CADM2: variants seen among roughly 807,000 people sequenced by gnomAD.
CADM2 encodes cell adhesion molecule 2.
Under a neutral mutation model 49.8 loss-of-function variants are expected in CADM2, and 12 were observed. The observed-to-expected ratio is 0.24, with a 90% confidence interval of 0.15 to 0.39. The LOEUF is 0.39. Among genes scored for constraint, CADM2 ranks in the 10% least tolerant of loss-of-function variants. The pLI is 1.00. For synonymous variants in CADM2, 214 were observed against 175.4 expected (o/e 1.22, Z -1.74); for missense variants, 378 against 492.3 (o/e 0.77, Z 2.20).
At chr3:85,117,312 AG>A (rs1247648502) in intron 1 of CADM2, among the ~76,000 whole-genome samples, 1 of 152,156 alleles carries the variant, frequency 6.6e-6, no homozygotes, top group African/African-American at 2.4e-5. Flanking sequence ...AAAATAGTAA[AG>A]GATGCTGTAA....
At chr3:85,160,565 A>T (rs971706725) in intron 1 of CADM2, among the ~76,000 whole-genome samples, 1 of 152,164 alleles carries the variant, frequency 6.6e-6, no homozygotes, top group Non-Finnish European at 1.5e-5. Context: ...TTAAAAAAAT[A>T]TCTACTGTGT....
rs1298736182 is a variant in CADM2 at position 85,515,421 on chromosome 3, G to GTT, written c.62-211099_62-211098dup. Among the ~76,000 whole-genome samples the GTT allele has an allele frequency of 1.2e-3, 80 of 64,614 alleles. 3 individuals carry two copies. Among genetic ancestry groups the GTT allele is most frequent in the Non-Finnish European group, 1.7e-4 (4 of 23,660 alleles). 42.4% of individuals were successfully genotyped at this position (64,614 alleles called of 152,430 possible). ...TCTCTTTTCTTTTGTTTGTTTGTTTGTTTCTTTTTTTTTTTATTATTATAT... is the reference window on the plus strand; with the variant it reads ...TCTCTTTTCTTTTGTTTGTTTGTTTGTTTTTCTTTTTTTTTTTATTATTATAT... On this transcript the variant is annotated intron_variant, in intron 1 of 9. Coordinates refer to ENST00000383699, the MANE Select transcript of CADM2 (RefSeq NM_001167675.2).
intron 1 of CADM2, among the ~76,000 whole-genome samples, chr3:85,366,336 C>A (rs1331992328): frequency 6.6e-6 from 1 of 152,112 alleles, no homozygotes. Context: ...CATTACACAC[C>A]TGCGGAGATT....
At chr3:85,146,802 A>C (rs929331517) in intron 1 of CADM2, among the ~76,000 whole-genome samples, 2 of 152,210 alleles carry the variant, frequency 1.3e-5, no homozygotes, top group Non-Finnish European at 2.9e-5. Flanking sequence ...GATTGAGAAT[A>C]ATTGTATCGT....
chr3:85,320,542 A>T (rs1576344188), intron 1 of CADM2, among the ~76,000 whole-genome samples: 1 of 152,294 alleles, frequency 6.6e-6, no homozygotes, highest in South Asian at 2.1e-4. Context: ...GTTCACGGAG[A>T]CAATCTTGAC....
intron 1 of CADM2, among the ~76,000 whole-genome samples, chr3:85,407,168 C>T (rs773595629): frequency 2.0e-5 from 3 of 152,148 alleles, no homozygotes; most frequent in Non-Finnish European, 4.4e-5. Flanking sequence ...CGCCACTGCA[C>T]TCCAGCCTTG....
chr3:85,884,696 C>G (rs1407456231), intron 4 of CADM2, among the ~76,000 whole-genome samples: 1 of 149,454 alleles, frequency 6.7e-6, no homozygotes, highest in Non-Finnish European at 1.5e-5. Flanking sequence ...ATTTGTACTT[C>G]TCATATTGGT....
At position 86,036,146 on chromosome 3, in the gene CADM2, C is replaced by T. The variant is rs958440756; in HGVS notation, c.971-29459C>T. Among the ~76,000 whole-genome samples the T allele has an allele frequency of 3.9e-5, 6 of 152,220 alleles. No homozygotes were observed. In the East Asian group the frequency reaches 1.2e-3, roughly 29 times the overall value. On this transcript the variant is annotated intron_variant, in intron 8 of 9. Transcript: ENST00000383699. Reference sequence around the variant, plus strand: ...GGAACACAAACATTGATTCATAACACATCTAATCTGTGTCATGACCTTAAA... The same window carrying T: ...GGAACACAAACATTGATTCATAACATATCTAATCTGTGTCATGACCTTAAA...
intron 7 of CADM2, among the ~76,000 whole-genome samples, chr3:85,961,012 AT>A (rs1216822887): frequency 1.0e-4 from 14 of 135,580 alleles, no homozygotes; most frequent in Admixed American, 6.7e-4. Flanking sequence ...ATTCATTATT[AT>A]TATATATATT....
At chr3:85,326,225 G>T (rs961175057) in intron 1 of CADM2, among the ~76,000 whole-genome samples, 1 of 151,954 alleles carries the variant, frequency 6.6e-6, no homozygotes. Context: ...AGTGTTTTGT[G>T]TATATTTAAG....
At chr3:85,905,381 A>C (rs533082411) in intron 5 of CADM2, among the ~76,000 whole-genome samples, 1 of 152,320 alleles carries the variant, frequency 6.6e-6, no homozygotes, top group South Asian at 2.1e-4. Flanking sequence ...GATAAACTAC[A>C]AAGAAAATCA....
At chr3:85,884,581 G>A (rs1227926439) in intron 4 of CADM2, among the ~76,000 whole-genome samples, 6 of 152,024 alleles carry the variant, frequency 3.9e-5, no homozygotes, top group African/African-American at 1.4e-4. Context: ...TGGTGATGAG[G>A]CATAGATTTT....
chr3:85,090,343 T>C (rs1372372801), intron 1 of CADM2, among the ~76,000 whole-genome samples: 2 of 152,182 alleles, frequency 1.3e-5, no homozygotes, highest in African/African-American at 4.8e-5. Flanking sequence ...ATATTATGAT[T>C]GCAGATAAGT....
chr3:85,840,391 A>T (rs1327051950), intron 3 of CADM2, among the ~76,000 whole-genome samples: 1 of 151,952 alleles, frequency 6.6e-6, no homozygotes, highest in Non-Finnish European at 1.5e-5. Context: ...CCTAAGACTT[A>T]CAATACTAAA....
At chr3:86,014,378 G>T in intron 8 of CADM2, 2 of 1,442,378 alleles carry the variant, frequency 1.4e-6, no homozygotes, top group South Asian at 3.1e-5. Context: ...CTGGTAGCTT[G>T]ACTGTAGTAC....
At chr3:85,975,785 G>T (rs1726704330) in intron 8 of CADM2, among the ~76,000 whole-genome samples, 1 of 151,432 alleles carries the variant, frequency 6.6e-6, no homozygotes, top group Non-Finnish European at 1.5e-5. Context: ...TTGCAATGTT[G>T]AATTCAGAGG....
chr3:85,133,221 C>T (rs1019199655), intron 1 of CADM2, among the ~76,000 whole-genome samples: 1 of 152,148 alleles, frequency 6.6e-6, no homozygotes, highest in African/African-American at 2.4e-5. Flanking sequence ...AACAAAGCTT[C>T]CACAGTGTGG....
At chr3:85,651,984 C>CTTTTTTTT (rs75263402) in intron 1 of CADM2, among the ~76,000 whole-genome samples, 6 of 105,464 alleles carry the variant, frequency 5.7e-5, no homozygotes, top group African/African-American at 1.1e-4. Context: ...CGCCCGGCTA[C>CTTTTTTTT]TTTTTTTTTT....
chr3:85,465,622 T>C (rs1231217234), intron 1 of CADM2, among the ~76,000 whole-genome samples: 1 of 152,222 alleles, frequency 6.6e-6, no homozygotes, highest in Non-Finnish European at 1.5e-5. Context: ...GTTTTTGTGC[T>C]TAAATTTTAT....
Sources: allele counts gnomAD v4.1 joint callset (sites outside exome capture counted in the v4.1 genomes callset), GRCh38; gene constraint gnomAD v4.1.1; transcripts MANE v1.5; gene names NCBI Gene and HGNC (gene_info 2026-07-23, HGNC 2026-07-21).